SLC25A26: variants seen among roughly 807,000 people sequenced by gnomAD.
SLC25A26 encodes the protein solute carrier family 25 member 26.
SLC25A26 carries 36 observed loss-of-function variants against 37.8 expected under a neutral mutation model. The observed-to-expected ratio is 0.95, with a 90% CI of 0.73 to 1.26. The LOEUF (loss-of-function observed/expected upper bound fraction) is 1.26. Ranked by LOEUF, SLC25A26 falls within the 50% of genes most tolerant of loss-of-function variation. SLC25A26 has a pLI of 0.00. For synonymous variants in SLC25A26, 129 were observed against 122.5 expected (o/e 1.05, Z -0.35); for missense variants, 390 against 331.1 (o/e 1.18, Z -1.38).
intron 6 of SLC25A26, among the ~76,000 whole-genome samples, chr3:66,348,064 C>T (rs928124245): frequency 7.2e-5 from 11 of 152,248 alleles, no homozygotes; most frequent in Non-Finnish European, 1.5e-4. Flanking sequence ...ATGCAACAAA[C>T]CACCATGGGT....
In SLC25A26 at chr3:66,209,898, T is replaced by TTATATATATATA. The variant is rs1159734636; in HGVS notation, c.-353-10806_-353-10795dup. Among the ~76,000 whole-genome samples, 350 of 38,424 alleles carry TTATATATATATA rather than the reference T, an allele frequency of 9.1e-3. 35 individuals are homozygous for TTATATATATATA. Among genetic ancestry groups the TTATATATATATA allele is most frequent in the Non-Finnish European group, 0.012 (241 of 19,818 alleles). 25.2% of individuals were successfully genotyped at this position (38,424 alleles called of 152,430 possible). ...TATACTCCTCTCTCTCTCTCTCTATTTATATATATATATATATATATATAT... is the reference window on the plus strand; with the variant it reads ...TATACTCCTCTCTCTCTCTCTCTATTTATATATATATATATATATATATATATATATATATAT... On this transcript the variant is annotated intron_variant, in intron 1 of 10. Transcript: ENST00000676754.
intron 5 of SLC25A26, among the ~76,000 whole-genome samples, chr3:66,339,840 A>G (rs1048514705): frequency 5.3e-5 from 8 of 151,980 alleles, no homozygotes; most frequent in African/African-American, 1.9e-4. Context: ...GCATTCATTG[A>G]TGCACATATG....
At chr3:66,336,635 C>T (rs964266676) in intron 5 of SLC25A26, among the ~76,000 whole-genome samples, 2 of 152,188 alleles carry the variant, frequency 1.3e-5, no homozygotes, top group African/African-American at 4.8e-5. Context: ...GAAGTCAGTA[C>T]TGCTTAACAT....
In SLC25A26 at chr3:66,346,343, ATT is replaced by A; in HGVS notation, c.454-12_454-11del. ...GGCTCTTTTTTGCCTAATTTATTTA[ATT>A]TTTTTTTTCTCTCTTCAGATTCCTT... On this transcript the variant is annotated intron_variant, in intron 5 of 9. Transcript: ENST00000354883. The A allele has an allele frequency of 3.7e-6, 5 of 1,334,602 alleles. No homozygotes were observed. The highest frequency in any genetic ancestry group is 2.7e-5 in the Admixed American group (1 of 37,706). The allele number at this position is 1,334,602 out of a possible 1,614,324, so 82.7% of individuals were successfully genotyped here.
At chr3:66,319,332 A>G (rs973093503) in intron 5 of SLC25A26, among the ~76,000 whole-genome samples, 1 of 152,178 alleles carries the variant, frequency 6.6e-6, no homozygotes, top group African/African-American at 2.4e-5. Context: ...TTCGTTGGGA[A>G]ATTCATATTA....
At chr3:66,143,903 A>C (rs2070075420) in intron 1 of SLC25A26, among the ~76,000 whole-genome samples, 1 of 152,122 alleles carries the variant, frequency 6.6e-6, no homozygotes, top group Admixed American at 6.6e-5. Flanking sequence ...AATAACTTTA[A>C]GATGAGAACA....
intron 1 of SLC25A26, among the ~76,000 whole-genome samples, chr3:66,186,877 C>T (rs985772748): frequency 1.3e-5 from 2 of 152,138 alleles, no homozygotes; most frequent in African/African-American, 4.8e-5. Flanking sequence ...TTAACCCTGA[C>T]CTGACCATGT....
chr3:66,250,624 TG>T (rs201113875), intron 3 of SLC25A26, among the ~76,000 whole-genome samples: 6,641 of 117,858 alleles, frequency 0.056, 170 homozygotes, highest in Non-Finnish European at 0.071. Context: ...TTCCGTAGGT[TG>T]GGGGGTATCA....
chr3:66,364,174 C>T (rs114960594), intron 7 of SLC25A26, among the ~76,000 whole-genome samples: 4 of 151,940 alleles, frequency 2.6e-5, no homozygotes, highest in African/African-American at 9.7e-5. Context: ...GGTCCTATTC[C>T]TTGAATACCC....
chr3:66,343,673 A>G (rs2076257614), intron 5 of SLC25A26, among the ~76,000 whole-genome samples: 1 of 152,232 alleles, frequency 6.6e-6, no homozygotes, highest in Non-Finnish European at 1.5e-5. Flanking sequence ...TTAATTGAGA[A>G]ATGAATGATG....
rs529409266 is a variant in SLC25A26 at position 66,174,806 on chromosome 3, A to G, written c.-354+40822A>G. Among the ~76,000 whole-genome samples, 2 of 134,490 alleles carry G rather than the reference A, an allele frequency of 1.5e-5. 1 individual carries two copies. Among genetic ancestry groups the G allele is most frequent in the Non-Finnish European group, 3.2e-5 (2 of 62,556 alleles). The allele number at this position is 134,490 out of a possible 152,430, so 88.2% of individuals were successfully genotyped here. On this transcript the variant is annotated intron_variant, in intron 1 of 10. Coordinates refer to the SLC25A26 transcript ENST00000676754. ...GAGACTCCGTCTCAAAAAGAAAAAA[A>G]AAAAAAGAAAAAAAAAATGCGCTAT...
intron 6 of SLC25A26, among the ~76,000 whole-genome samples, chr3:66,355,749 T>C (rs2076559743): frequency 6.6e-6 from 1 of 152,214 alleles, no homozygotes; most frequent in African/African-American, 2.4e-5. Flanking sequence ...AGCTACACAA[T>C]AGCTTGATCA....
At chr3:66,369,663 G>A in intron 8 of SLC25A26, 121 bp downstream of exon 8, 1 of 808,640 alleles carries the variant, frequency 1.2e-6, no homozygotes, top group Non-Finnish European at 2.0e-6. Context: ...ATCTTATGCT[G>A]CCTGTGCAAC....
At chr3:66,192,369 G>C (rs1027806276) in intron 1 of SLC25A26, among the ~76,000 whole-genome samples, 1 of 149,460 alleles carries the variant, frequency 6.7e-6, no homozygotes, top group African/African-American at 2.5e-5. Context: ...TCCCTCTCTC[G>C]ACCCTCCAGC....
chr3:66,312,253 C>T (rs966965213), intron 5 of SLC25A26, among the ~76,000 whole-genome samples: 17 of 152,142 alleles, frequency 1.1e-4, no homozygotes, highest in African/African-American at 2.9e-4. Context: ...CTGCCCAGCC[C>T]GAACTTCGCC....
chr3:66,176,315 G>A (rs2070586277), intron 1 of SLC25A26, among the ~76,000 whole-genome samples: 1 of 152,188 alleles, frequency 6.6e-6, no homozygotes, highest in South Asian at 2.1e-4. Context: ...AGAAAGTGTT[G>A]AGATGTTATA....
chr3:66,189,102 C>A (rs1452903675), intron 1 of SLC25A26, among the ~76,000 whole-genome samples: 2 of 152,134 alleles, frequency 1.3e-5, no homozygotes, highest in Non-Finnish European at 2.9e-5. Flanking sequence ...TCACCTTGAT[C>A]CTGATCCTAA....
intron 3 of SLC25A26, among the ~76,000 whole-genome samples, chr3:66,247,258 T>G (rs1050092619): frequency 4.4e-5 from 4 of 91,184 alleles, no homozygotes; most frequent in African/African-American, 1.3e-4. Context: ...TATTTAAATA[T>G]AAATATAAAT....
chr3:66,342,906 C>T (rs1487224610), intron 5 of SLC25A26, among the ~76,000 whole-genome samples: 1 of 152,168 alleles, frequency 6.6e-6, no homozygotes, highest in East Asian at 1.9e-4. Context: ...AACAAAACAT[C>T]TTAAATGGAG....
Sources: gnomAD v4.1 joint callset for allele counts (sites outside exome capture counted in the v4.1 genomes callset) on GRCh38, gnomAD v4.1.1 for gene constraint, MANE v1.5 for transcripts, NCBI Gene and HGNC (gene_info 2026-07-23, HGNC 2026-07-21) for gene names.